The following MRPL48 variants were observed in gnomAD, a reference collection of about 807,000 sequenced individuals.
The protein encoded by MRPL48 is large ribosomal subunit protein mL48.
In MRPL48, 16 loss-of-function variants were observed where a neutral mutation model predicts 32.9. The observed-to-expected ratio is 0.49, with a 90% confidence interval of 0.33 to 0.74. The LOEUF is 0.74. Ranked by LOEUF, MRPL48 falls within the 30% of genes least tolerant of loss-of-function variation. The pLI is 0.02. For missense variants in MRPL48, 206 were observed against 245.3 expected (o/e 0.84, Z 1.07); for synonymous variants, 94 against 89.2 (o/e 1.05, Z -0.31).
In MRPL48 at chr11:73,852,393, CAAAAAAAAAAAA is replaced by C. The variant is rs10554131; in HGVS notation, c.371+7430_371+7441del. On this transcript the variant is annotated intron_variant, in intron 5 of 7. Coordinates refer to ENST00000310614, the MANE Select transcript of MRPL48 (RefSeq NM_016055.6). ...ATAAGGAGCTCAAACAACTCTATAG[CAAAAAAAAAAAA>C]AAAAAAAAAAAATCTAATAATCTAA... 2.9e-4 allele frequency among the ~76,000 whole-genome samples: 24 copies of C among 83,350 alleles called. 1 individual carries two copies. The highest frequency in any genetic ancestry group is 8.0e-4 in the African/African-American group (18 of 22,508). 54.7% of individuals were successfully genotyped at this position (83,350 alleles called of 152,430 possible).
chr11:73,831,585 C>T (rs1947995878), intron 4 of MRPL48, among the ~76,000 whole-genome samples: 1 of 75,972 alleles, frequency 1.3e-5, no homozygotes, highest in African/African-American at 5.3e-5. Flanking sequence ...CCTTAAAGGC[C>T]CTGCATCATT....
At position 73,864,666 on chromosome 11, in the gene MRPL48, C is replaced by G; in HGVS notation, c.*296C>G. ...TCCTGTGGAGTATCTTTAAGAGATTCTATATTCTGGCCAGGCACCGTGGTG... is the reference window on the plus strand; with the variant it reads ...TCCTGTGGAGTATCTTTAAGAGATTGTATATTCTGGCCAGGCACCGTGGTG... On this transcript the variant is annotated 3_prime_UTR_variant, in exon 8 of 8. Transcript: ENST00000310614. The G allele has an allele frequency of 2.7e-6, 1 of 376,672 alleles. No homozygotes were observed. The highest frequency in any genetic ancestry group is 4.9e-6 in the Non-Finnish European group (1 of 203,932). The allele number at this position is 376,672 out of a possible 1,614,324, so 23.3% of individuals were successfully genotyped here.
intron 4 of MRPL48, among the ~76,000 whole-genome samples, chr11:73,831,743 C>A (rs1021131512): frequency 2.0e-5 from 3 of 151,854 alleles, no homozygotes; most frequent in Non-Finnish European, 4.4e-5. Context: ...GAGTTCGAGA[C>A]CAGCCTGACC....
At chr11:73,845,736 C>T (rs1948276043) in intron 5 of MRPL48, among the ~76,000 whole-genome samples, 1 of 152,016 alleles carries the variant, frequency 6.6e-6, no homozygotes, top group South Asian at 2.1e-4. Flanking sequence ...TGCCACTGCA[C>T]TTCAGCCTGA....
intron 1 of MRPL48, among the ~76,000 whole-genome samples, chr11:73,802,736 T>C (rs942550047): frequency 6.6e-6 from 1 of 152,028 alleles, no homozygotes; most frequent in Non-Finnish European, 1.5e-5. Context: ...TCTCATTCTG[T>C]CACCCCAGGC....
chr11:73,808,938 T>A (rs1262567141), intron 3 of MRPL48, among the ~76,000 whole-genome samples: 2 of 145,226 alleles, frequency 1.4e-5, no homozygotes, highest in African/African-American at 2.5e-5. Flanking sequence ...AAAAAAAAAA[T>A]AATGAGAAGG....
chr11:73,836,513 T>C (rs962761829), intron 4 of MRPL48, among the ~76,000 whole-genome samples: 3 of 152,182 alleles, frequency 2.0e-5, no homozygotes, highest in African/African-American at 7.2e-5. Context: ...ATGCCACTTA[T>C]TATTATATAC....
chr11:73,833,058 A>C (rs530571187), intron 4 of MRPL48, among the ~76,000 whole-genome samples: 1 of 152,306 alleles, frequency 6.6e-6, no homozygotes, highest in South Asian at 2.1e-4. Flanking sequence ...TACATGGTAA[A>C]TCCATACAAT....
intron 3 of MRPL48, chr11:73,823,182 C>T (rs906097571): frequency 2.1e-5 from 5 of 242,918 alleles, no homozygotes; most frequent in South Asian, 4.3e-5. Context: ...CCACTCCTCA[C>T]ATCTGTGGAA....
chr11:73,834,977 A>C (rs1350993803), intron 4 of MRPL48, among the ~76,000 whole-genome samples: 1 of 151,718 alleles, frequency 6.6e-6, no homozygotes, highest in Non-Finnish European at 1.5e-5. Context: ...GACCACAGGT[A>C]CACGCCATCA....
At chr11:73,790,459 A>C (rs1289022829) in intron 1 of MRPL48, among the ~76,000 whole-genome samples, 3 of 128,218 alleles carry the variant, frequency 2.3e-5, no homozygotes, top group African/African-American at 9.2e-5. Flanking sequence ...ACCTCAGCTC[A>C]CTGCAAGCTC....
intron 5 of MRPL48, among the ~76,000 whole-genome samples, chr11:73,850,105 A>G (rs2135065647): frequency 6.6e-6 from 1 of 152,304 alleles, no homozygotes; most frequent in Non-Finnish European, 1.5e-5. Context: ...TGTCTTAAAA[A>G]CAGCAACAAC....
chr11:73,860,198 G>A, intron 6 of MRPL48, 189 bp downstream of exon 6: 1 of 513,742 alleles, frequency 1.9e-6, no homozygotes, highest in Non-Finnish European at 3.5e-6. Flanking sequence ...CATTCCTTAG[G>A]CCTCAGTGAT....
At chr11:73,791,139 CCT>C (rs1947144958) in intron 1 of MRPL48, among the ~76,000 whole-genome samples, 1 of 151,812 alleles carries the variant, frequency 6.6e-6, no homozygotes, top group Non-Finnish European at 1.5e-5. Flanking sequence ...GCCGCCTGGG[CCT>C]CTCAAAGTGC....
chr11:73,844,314 C>T (rs1166094137), intron 4 of MRPL48, among the ~76,000 whole-genome samples: 1 of 151,906 alleles, frequency 6.6e-6, no homozygotes, highest in East Asian at 1.9e-4. Flanking sequence ...GCCTGTCGTC[C>T]CAGCTACTTA....
rs1197660256 is a variant in MRPL48 at position 73,825,738 on chromosome 11, A to G, written c.143A>G (p.Tyr48Cys). 2 of 1,568,840 alleles carry G rather than the reference A, an allele frequency of 1.3e-6. No homozygotes were observed. Among genetic ancestry groups the G allele is most frequent in the Non-Finnish European group, 1.7e-6 (2 of 1,156,962 alleles). Residue 48 changes from tyrosine to cysteine, a missense_variant, in exon 4 of 8, where the codon TAC becomes TGC. By Grantham distance (194) the Tyr-to-Cys change is radical (BLOSUM62 -2). Transcript: ENST00000310614. ...ATTCTACTAAGTATCAGTCGGCCCTACAAGACAAAGCCCACCCACGGCATT... is the reference window on the plus strand; with the variant it reads ...ATTCTACTAAGTATCAGTCGGCCCTGCAAGACAAAGCCCACCCACGGCATT... ...GGILLSISRPYKTKPTHGIGK... is the reference protein window; with the variant it reads ...GGILLSISRPCKTKPTHGIGK...
At position 73,808,017 on chromosome 11, in the gene MRPL48, A is replaced by G. The variant is rs1183263896; in HGVS notation, c.75-296A>G. ...GTGACCATACTTTCCTTTGTGTCCT[A>G]TTTAATTTTGTATGTTTCTGTTCTG... is the stretch of plus-strand genomic sequence containing the variant. On this transcript the variant is annotated intron_variant, in intron 2 of 7. Transcript: ENST00000310614. Among the ~76,000 whole-genome samples the G allele has an allele frequency of 3.9e-5, 6 of 152,112 alleles. No individual in the cohort carries two copies. In the East Asian group the frequency reaches 9.6e-4, roughly 24 times the overall value.
In MRPL48 at chr11:73,864,341, C is replaced by CT. The variant is rs1352885376; in HGVS notation, c.611dup (p.Glu205GlyfsTer33). On this transcript the variant is annotated frameshift_variant, in exon 8 of 8. Transcript: ENST00000310614. LOFTEE classifies it high-confidence loss of function. ...GGGACGATTCAAAGCTCGACCAGAA[C>CT]TGGAAGAACTGTTGGCCAAGTTGAA... The CT allele has an allele frequency of 1.1e-5, 18 of 1,613,768 alleles. No homozygotes were observed. Among genetic ancestry groups the CT allele is most frequent in the Non-Finnish European group, 1.4e-5 (17 of 1,179,866 alleles).
At chr11:73,843,766 C>T (rs552059346) in intron 4 of MRPL48, among the ~76,000 whole-genome samples, 29 of 152,160 alleles carry the variant, frequency 1.9e-4, no homozygotes, top group African/African-American at 5.3e-4. Context: ...AACATGTACA[C>T]GTAAAATTTT....
Sources: gnomAD v4.1 joint callset for allele counts (sites outside exome capture counted in the v4.1 genomes callset) on GRCh38, gnomAD v4.1.1 for gene constraint, MANE v1.5 for transcripts, NCBI Gene and HGNC (gene_info 2026-07-23, HGNC 2026-07-21) for gene names.